The following LPGAT1 variants were observed in gnomAD, a reference collection of about 807,000 sequenced individuals.
The protein encoded by LPGAT1 is acyl-CoA:lysophosphatidylglycerol acyltransferase 1.
A neutral mutation model predicts 47.5 loss-of-function variants in LPGAT1; 11 were observed. That is an observed-to-expected ratio of 0.23 (90% CI 0.15 to 0.38). The LOEUF is 0.38. Among genes scored for constraint, LPGAT1 ranks in the 10% least tolerant of loss-of-function variants. The pLI is 1.00. For missense variants in LPGAT1, 293 were observed against 439.0 expected (o/e 0.67, Z 2.97); for synonymous variants, 138 against 144.2 (o/e 0.96, Z 0.31).
At chr1:211,794,255 A>T (rs1359078051) in intron 2 of LPGAT1, among the ~76,000 whole-genome samples, 1 of 152,208 alleles carries the variant, frequency 6.6e-6, no homozygotes, top group Non-Finnish European at 1.5e-5. Flanking sequence ...ATTCTAAGGG[A>T]AACAGTGGTA....
chr1:211,830,150 T>C lies in LPGAT1; in HGVS notation c.-28+423A>G, dbSNP rs1660680940. ...GGTTTCCGCGGATGTGGAAGGGTCG[T>C]GGCGGCGGGCGCGGCCCGCGCGCCG... On this transcript the variant is annotated intron_variant, in intron 1 of 7. Transcript: ENST00000366997. The surrounding 1 kb of genome is among the most constrained non-coding windows in gnomAD (Gnocchi z 5.9). 1.0e-6 allele frequency: 1 copy of C among 983,412 alleles called. No homozygotes were observed. Among genetic ancestry groups the C allele is most frequent in the Non-Finnish European group, 1.2e-6 (1 of 829,320 alleles). 60.9% of individuals were successfully genotyped at this position (983,412 alleles called of 1,614,324 possible). A position where few individuals can be genotyped will look rare whatever the true frequency, so the allele number is the denominator to read the frequency against.
At chr1:211,767,305 AT>A (rs572653522) in intron 6 of LPGAT1, among the ~76,000 whole-genome samples, 53 of 149,154 alleles carry the variant, frequency 3.6e-4, no homozygotes, top group South Asian at 2.1e-4. Context: ...TGCCCAGCTA[AT>A]TTTTTTTTTA....
rs1177716934 is a variant in LPGAT1, at chr1:211,824,387, C to A, written c.238+4672G>T. On this transcript the variant is annotated intron_variant, in intron 2 of 7. Coordinates refer to ENST00000366997, the MANE Select transcript of LPGAT1 (RefSeq NM_014873.3). ...CTCCAGGCTGGGCAATAGAGTGAGA[C>A]TGTCTCACAAAAAAATAAAAAAGGA... Among the ~76,000 whole-genome samples the A allele has an allele frequency of 2.6e-5, 4 of 152,074 alleles. No homozygotes were observed. In the East Asian group the frequency reaches 7.7e-4, roughly 29 times the overall value.
intron 2 of LPGAT1, among the ~76,000 whole-genome samples, chr1:211,821,164 G>A (rs1001407552): frequency 6.6e-6 from 1 of 152,178 alleles, no homozygotes; most frequent in Non-Finnish European, 1.5e-5. Context: ...GCTGAGGCAG[G>A]ACAATTGCTT....
rs1014399849 is a variant in LPGAT1, at chr1:211,743,920, A to T, written c.*5979T>A. On this transcript the variant is annotated 3_prime_UTR_variant, in exon 8 of 8. Coordinates refer to ENST00000366997, the MANE Select transcript of LPGAT1 (RefSeq NM_014873.3). ...CAGTGGGATTTAAACAATTGTTTAA[A>T]CATCAATAAAACAATTGATGTTTTA... 6.6e-6 allele frequency: 1 copy of T among 152,216 alleles called. No individual in the cohort carries two copies. Among genetic ancestry groups the T allele is most frequent in the Non-Finnish European group, 1.5e-5 (1 of 68,030 alleles). The allele number at this position is 152,216 out of a possible 1,614,324, so 9.4% of individuals were successfully genotyped here. A position where few individuals can be genotyped will look rare whatever the true frequency, so the allele number is the denominator to read the frequency against.
intron 4 of LPGAT1, among the ~76,000 whole-genome samples, chr1:211,785,017 A>G (rs551698062): frequency 1.6e-4 from 24 of 151,886 alleles, no homozygotes; most frequent in Non-Finnish European, 2.4e-4. Flanking sequence ...GTTAGCCAGG[A>G]TGGTCTCGAT....
chr1:211,756,469 A>G (rs1223854248), intron 6 of LPGAT1, among the ~76,000 whole-genome samples: 2 of 152,116 alleles, frequency 1.3e-5, no homozygotes, highest in African/African-American at 2.4e-5. Flanking sequence ...CTGGGACCAC[A>G]GGTGCGCATC....
chr1:211,776,847 TTA>T (rs1386962143), intron 6 of LPGAT1, among the ~76,000 whole-genome samples: 1 of 152,098 alleles, frequency 6.6e-6, no homozygotes, highest in Non-Finnish European at 1.5e-5. Flanking sequence ...TTAGTGAACT[TTA>T]TAGTTTCCAG....
intron 6 of LPGAT1, among the ~76,000 whole-genome samples, chr1:211,766,796 T>C (rs1657935104): frequency 6.6e-6 from 1 of 152,232 alleles, no homozygotes; most frequent in African/African-American, 2.4e-5. Context: ...TGGTATCTAC[T>C]GAACGTCTAT....
At chr1:211,799,540 T>C (rs1659483535) in intron 2 of LPGAT1, among the ~76,000 whole-genome samples, 1 of 152,144 alleles carries the variant, frequency 6.6e-6, no homozygotes, top group Non-Finnish European at 1.5e-5. Context: ...ATGCTTCATG[T>C]CAAAGAACCT....
rs1053051083 is a variant in LPGAT1, at chr1:211,746,235, C to G, written c.*3664G>C. The G allele has an allele frequency of 6.6e-6, 1 of 152,548 alleles. No individual in the cohort carries two copies. Among genetic ancestry groups the G allele is most frequent in the Non-Finnish European group, 1.5e-5 (1 of 68,016 alleles). 9.4% of individuals were successfully genotyped at this position (152,548 alleles called of 1,614,324 possible). ...ATGAAGACGCTTCTTAACATGAATCCAAGACAGCAACACTAGAATAATGTT... is the reference window on the plus strand; with the variant it reads ...ATGAAGACGCTTCTTAACATGAATCGAAGACAGCAACACTAGAATAATGTT... On this transcript the variant is annotated 3_prime_UTR_variant, in exon 8 of 8. Coordinates refer to ENST00000366997, the MANE Select transcript of LPGAT1 (RefSeq NM_014873.3).
intron 2 of LPGAT1, among the ~76,000 whole-genome samples, chr1:211,801,857 A>G (rs1221924873): frequency 6.6e-6 from 1 of 152,088 alleles, no homozygotes; most frequent in African/African-American, 2.4e-5. Flanking sequence ...AGGAGGGTGG[A>G]TCACTTGAGG....
intron 3 of LPGAT1, among the ~76,000 whole-genome samples, chr1:211,789,751 T>C (rs1240486522): frequency 6.6e-6 from 1 of 151,594 alleles, no homozygotes. Context: ...ACACCTGTAG[T>C]CCCAGCTACT....
chr1:211,749,854 A>G lies in LPGAT1; in HGVS notation c.*45T>C, dbSNP rs1297984349. ...GTAAAATAATGCACACTTATGAAAG[A>G]AAGTCTGAACTCCTACGGTGACCTT... is the stretch of plus-strand genomic sequence containing the variant. On this transcript the variant is annotated 3_prime_UTR_variant, in exon 8 of 8. Coordinates refer to ENST00000366997, the MANE Select transcript of LPGAT1 (RefSeq NM_014873.3). 6.3e-7 allele frequency: 1 copy of G among 1,587,870 alleles called. No individual in the cohort carries two copies. The highest frequency in any genetic ancestry group is 1.8e-5 in the Admixed American group (1 of 54,684).
In LPGAT1 at chr1:211,769,046, T is replaced by C. The variant is rs1393346500; in HGVS notation, c.854+9872A>G. Among the ~76,000 whole-genome samples the C allele has an allele frequency of 2.0e-5, 3 of 152,176 alleles. No individual in the cohort carries two copies. The East Asian group carries it at 5.8e-4, about 29-fold the overall frequency. Reference sequence around the variant, plus strand: ...ACCACTCTAAGACTTCAGGGGTTTTTAGATGGGAAGCCATGATGGAATTCT... The same window carrying C: ...ACCACTCTAAGACTTCAGGGGTTTTCAGATGGGAAGCCATGATGGAATTCT... On this transcript the variant is annotated intron_variant, in intron 6 of 7. Coordinates refer to ENST00000366997, the MANE Select transcript of LPGAT1 (RefSeq NM_014873.3).
At chr1:211,752,028 C>G (rs564365525) in intron 6 of LPGAT1, among the ~76,000 whole-genome samples, 2 of 152,278 alleles carry the variant, frequency 1.3e-5, no homozygotes, top group Admixed American at 6.5e-5. Context: ...TTCCCATCTT[C>G]CCAATACAAT....
At chr1:211,817,599 T>G (rs1186301273) in intron 2 of LPGAT1, among the ~76,000 whole-genome samples, 1 of 151,986 alleles carries the variant, frequency 6.6e-6, no homozygotes, top group Non-Finnish European at 1.5e-5. Flanking sequence ...AAAGAATTTT[T>G]AATAATCTAG....
intron 2 of LPGAT1, among the ~76,000 whole-genome samples, chr1:211,813,945 T>C (rs1363840912): frequency 6.6e-6 from 1 of 152,244 alleles, no homozygotes; most frequent in Non-Finnish European, 1.5e-5. Context: ...AATCTGAATG[T>C]TGTAGAGCAA....
intron 4 of LPGAT1, among the ~76,000 whole-genome samples, chr1:211,787,026 TCA>T (rs760446719): frequency 0.083 from 12,704 of 152,190 alleles, 647 homozygotes; most frequent in Admixed American, 0.15. Flanking sequence ...TTTGCCCAAT[TCA>T]CATAGCTAAG....
Sources: gnomAD v4.1 joint callset for allele counts (sites outside exome capture counted in the v4.1 genomes callset) on GRCh38, gnomAD v4.1.1 for gene constraint, Gnocchi (gnomAD v3.1) non-coding constraint, MANE v1.5 for transcripts, NCBI Gene and HGNC (gene_info 2026-07-23, HGNC 2026-07-21) for gene names.